The following DLGAP2 variants were observed in gnomAD, a reference collection of about 807,000 sequenced individuals.
DLGAP2 encodes DLG associated protein 2.
In DLGAP2, 26 loss-of-function variants were observed where a neutral mutation model predicts 100.3. That is an observed-to-expected ratio of 0.26 (90% CI 0.19 to 0.36). DLGAP2 has a LOEUF of 0.36. DLGAP2 is among the 10% of genes least tolerant of loss of function. The pLI, the probability that DLGAP2 is intolerant of heterozygous loss-of-function variation, is 1.00. For missense variants in DLGAP2, 1,858 were observed against 1,453.2 expected (o/e 1.28, Z -4.53); for synonymous variants, 886 against 630.1 (o/e 1.41, Z -6.08).
At chr8:966,337 A>G (rs1487712639) in intron 2 of DLGAP2, among the ~76,000 whole-genome samples, 1 of 152,204 alleles carries the variant, frequency 6.6e-6, no homozygotes, top group Non-Finnish European at 1.5e-5. Flanking sequence ...AACGGATGAC[A>G]TGTTTCTGAT....
chr8:1,375,194 G>A (rs71497184), intron 3 of DLGAP2, among the ~76,000 whole-genome samples: 452 of 41,858 alleles, frequency 0.011, 8 homozygotes, highest in East Asian at 0.018. Context: ...CCTCTCCACG[G>A]CCTCAGAACT....
chr8:1,648,024 G>A (rs529506497), intron 8 of DLGAP2, among the ~76,000 whole-genome samples: 12 of 152,300 alleles, frequency 7.9e-5, no homozygotes, highest in East Asian at 1.9e-4. Flanking sequence ...CACATTTCAT[G>A]TCACTGCCAT....
intron 3 of DLGAP2, among the ~76,000 whole-genome samples, chr8:1,330,095 G>C (rs1175567214): frequency 1.3e-5 from 2 of 152,226 alleles, no homozygotes; most frequent in Admixed American, 6.5e-5. Context: ...TGGGGTCGAG[G>C]TTTCTTTGTA....
chr8:984,234 A>G (rs1470335445), intron 2 of DLGAP2, among the ~76,000 whole-genome samples: 1 of 152,228 alleles, frequency 6.6e-6, no homozygotes, highest in Admixed American at 6.5e-5. Flanking sequence ...GGCACAGCAC[A>G]GCTTTGTCAG....
chr8:1,024,104 A>T (rs1370705318), intron 2 of DLGAP2, among the ~76,000 whole-genome samples: 1 of 151,898 alleles, frequency 6.6e-6, no homozygotes, highest in African/African-American at 2.4e-5. Context: ...CTTGGGCTGT[A>T]AGTGAATCCC....
At chr8:1,348,586 A>T (rs1801626002) in intron 3 of DLGAP2, among the ~76,000 whole-genome samples, 1 of 150,790 alleles carries the variant, frequency 6.6e-6, no homozygotes, top group African/African-American at 2.4e-5. Context: ...TTGAGTTCCC[A>T]TTAACATCTG....
intron 1 of DLGAP2, chr8:891,438 G>C (rs976878166): frequency 6.6e-6 from 1 of 152,382 alleles, no homozygotes; most frequent in Non-Finnish European, 1.5e-5. Flanking sequence ...CGCTCTCCCT[G>C]CGGTCGGAAG....
chr8:1,113,184 G>T (rs1000316974), intron 2 of DLGAP2, among the ~76,000 whole-genome samples: 1 of 152,004 alleles, frequency 6.6e-6, no homozygotes. Context: ...TGGATATTTG[G>T]GCTTTTTTTT....
intron 3 of DLGAP2, among the ~76,000 whole-genome samples, chr8:1,468,480 A>G (rs1162010768): frequency 6.6e-6 from 1 of 151,982 alleles, no homozygotes; most frequent in African/African-American, 2.4e-5. Context: ...CATCGCATGG[A>G]TCCGGGCTGG....
intron 4 of DLGAP2, among the ~76,000 whole-genome samples, chr8:1,538,672 T>C (rs6558481): frequency 3.3e-5 from 5 of 151,964 alleles, no homozygotes; most frequent in African/African-American, 9.7e-5. Flanking sequence ...GCCCTGGCCC[T>C]CTTTTCTAGG....
At chr8:778,079 G>A (rs952421625) in intron 1 of DLGAP2, among the ~76,000 whole-genome samples, 10 of 151,558 alleles carry the variant, frequency 6.6e-5, no homozygotes, top group South Asian at 4.2e-4. Context: ...TTCCCTTCTC[G>A]TTTCATTTCT....
intron 2 of DLGAP2, among the ~76,000 whole-genome samples, chr8:1,198,697 C>A (rs1797805812): frequency 6.6e-6 from 1 of 152,226 alleles, no homozygotes; most frequent in Admixed American, 6.5e-5. Flanking sequence ...CAGGCAGGCC[C>A]CTCATGTCCT....
intron 2 of DLGAP2, among the ~76,000 whole-genome samples, chr8:977,597 G>T (rs1424096541): frequency 1.3e-5 from 2 of 152,174 alleles, no homozygotes; most frequent in African/African-American, 4.8e-5. Context: ...GTTTTAACAG[G>T]ATCCATATTT....
At chr8:1,201,673 C>T (rs1585147048) in intron 2 of DLGAP2, among the ~76,000 whole-genome samples, 1 of 152,210 alleles carries the variant, frequency 6.6e-6, no homozygotes, top group Admixed American at 6.5e-5. Flanking sequence ...TGTCAGATGC[C>T]TGTGACGTGG....
chr8:993,649 A>G (rs1185529215), intron 2 of DLGAP2, among the ~76,000 whole-genome samples: 2 of 152,034 alleles, frequency 1.3e-5, no homozygotes, highest in Admixed American at 6.5e-5. Context: ...CGTCTCCTTC[A>G]TGGGCGATTC....
intron 3 of DLGAP2, among the ~76,000 whole-genome samples, chr8:1,491,180 C>T (rs1799373666): frequency 6.9e-6 from 1 of 144,496 alleles, no homozygotes; most frequent in South Asian, 2.2e-4. Flanking sequence ...TTCACAAAAA[C>T]ATTTGATGTT....
chr8:943,238 C>A (rs923008104), intron 2 of DLGAP2, among the ~76,000 whole-genome samples: 1 of 152,130 alleles, frequency 6.6e-6, no homozygotes, highest in African/African-American at 2.4e-5. Flanking sequence ...TTCCAGGCAG[C>A]CTTTCTAGGG....
intron 1 of DLGAP2, among the ~76,000 whole-genome samples, chr8:792,611 A>G (rs904594228): frequency 6.6e-6 from 1 of 152,206 alleles, no homozygotes; most frequent in African/African-American, 2.4e-5. Flanking sequence ...AGAAAATGCA[A>G]CACAATACCA....
intron 1 of DLGAP2, among the ~76,000 whole-genome samples, chr8:888,676 C>T (rs1797971973): frequency 6.6e-6 from 1 of 151,520 alleles, no homozygotes; most frequent in Non-Finnish European, 1.5e-5. Flanking sequence ...CACTTCAGGC[C>T]CTATTCATCT....
Sources: allele counts gnomAD v4.1 joint callset (sites outside exome capture counted in the v4.1 genomes callset), GRCh38; gene constraint gnomAD v4.1.1; transcripts MANE v1.5; gene names NCBI Gene and HGNC (gene_info 2026-07-23, HGNC 2026-07-21).